The following PKP4 variants were observed in gnomAD, a reference collection of about 807,000 sequenced individuals.
The protein encoded by PKP4 is plakophilin 4.
A neutral mutation model predicts 145.1 loss-of-function variants in PKP4; 90 were observed. The observed-to-expected ratio is 0.62, with a 90% CI of 0.52 to 0.74. The LOEUF is 0.74. Among genes scored for constraint, PKP4 ranks in the 30% least tolerant of loss-of-function variants. The pLI, the probability that PKP4 is intolerant of heterozygous loss-of-function variation, is 0.00. For missense variants in PKP4, 1,340 were observed against 1,482.7 expected, an observed-to-expected ratio of 0.90 and a Z score of 1.58; for synonymous variants, 563 against 577.2, an observed-to-expected ratio of 0.98 and a Z score of 0.35.
At chr2:158,658,369 G>C in intron 12 of PKP4, 55 bp downstream of exon 12, 1 of 1,088,774 alleles carries the variant, frequency 9.2e-7, no homozygotes, top group Non-Finnish European at 1.3e-6. Flanking sequence ...ATGTGTCATA[G>C]GTAAATTGAT....
At chr2:158,600,082 T>C (rs2050099449) in intron 3 of PKP4, among the ~76,000 whole-genome samples, 1 of 152,230 alleles carries the variant, frequency 6.6e-6, no homozygotes, top group Admixed American at 6.5e-5. Flanking sequence ...TGAAGGCACA[T>C]TGTCTTCCTG....
Position 158,631,738 on chromosome 2 carries a change from T to C in PKP4, c.1154-15T>C. ...ATTGTCTCAGTTCTTAACGATGTAA[T>C]TTTTGTGCCTCTAGGCTTACGGAGT... On this transcript the variant is annotated splice_polypyrimidine_tract_variant and intron_variant, in intron 7 of 21. Coordinates refer to ENST00000389759, the MANE Select transcript of PKP4 (RefSeq NM_003628.6). 1 of 1,609,072 alleles carries C rather than the reference T, an allele frequency of 6.2e-7. No homozygotes were observed. The highest frequency in any genetic ancestry group is 8.5e-7 in the Non-Finnish European group (1 of 1,175,604).
chr2:158,541,668 C>T (rs1360736114), intron 2 of PKP4, among the ~76,000 whole-genome samples: 2 of 151,996 alleles, frequency 1.3e-5, no homozygotes, highest in African/African-American at 4.8e-5. Context: ...CTCTGTGGCT[C>T]TTGAAAGAAA....
chr2:158,577,558 C>T (rs1162546761), intron 3 of PKP4, among the ~76,000 whole-genome samples, 175 bp downstream of exon 3: 1 of 152,190 alleles, frequency 6.6e-6, no homozygotes, highest in Non-Finnish European at 1.5e-5. Context: ...ATCCCTCAGT[C>T]CTGTGCTTGA....
intron 2 of PKP4, among the ~76,000 whole-genome samples, chr2:158,571,911 A>G (rs1177424046): frequency 6.6e-6 from 1 of 152,154 alleles, no homozygotes; most frequent in Non-Finnish European, 1.5e-5. Flanking sequence ...AAAGCTACCT[A>G]GGGTTTCTGA....
intron 2 of PKP4, among the ~76,000 whole-genome samples, chr2:158,563,991 A>C (rs537207128): frequency 6.6e-6 from 1 of 152,228 alleles, no homozygotes; most frequent in Non-Finnish European, 1.5e-5. Flanking sequence ...GTCCTGGTAC[A>C]TGCAAATAAT....
intron 21 of PKP4, among the ~76,000 whole-genome samples, chr2:158,680,039 T>C (rs988693625): frequency 7.2e-5 from 11 of 152,198 alleles, no homozygotes; most frequent in African/African-American, 2.7e-4. Flanking sequence ...TGCTAATAAT[T>C]CCCCTGTGTC....
At chr2:158,507,190 T>C (rs2041065581) in intron 1 of PKP4, among the ~76,000 whole-genome samples, 1 of 152,186 alleles carries the variant, frequency 6.6e-6, no homozygotes, top group Admixed American at 6.5e-5. Context: ...TGCAGATATA[T>C]TGATCCATAA....
chr2:158,597,482 A>G (rs1358155941), intron 3 of PKP4, among the ~76,000 whole-genome samples: 2 of 152,214 alleles, frequency 1.3e-5, no homozygotes, highest in Non-Finnish European at 2.9e-5. Context: ...TATGGTTACA[A>G]TGTGAAAAGT....
chr2:158,628,066 C>T lies in PKP4; in HGVS notation c.1153+2639C>T, dbSNP rs189444137. ...CACGCTCTCGGCTCACTGCAACTTC[C>T]GCCTCCCGGGTTCAAGCGATTCTTC... On this transcript the variant is annotated intron_variant, in intron 7 of 21. Transcript: ENST00000389759. Among the ~76,000 whole-genome samples the T allele has an allele frequency of 6.7e-4, 102 of 151,986 alleles. 1 individual carries two copies. Among genetic ancestry groups the T allele is most frequent in the African/African-American group, 2.0e-3 (85 of 41,470 alleles).
chr2:158,675,430 C>T (rs531142671), intron 19 of PKP4, among the ~76,000 whole-genome samples: 17 of 151,984 alleles, frequency 1.1e-4, no homozygotes, highest in Non-Finnish European at 2.4e-4. Flanking sequence ...GATTGCACAC[C>T]CCTGGATCAT....
At chr2:158,648,746 C>A (rs1348245036) in intron 11 of PKP4, among the ~76,000 whole-genome samples, 1 of 152,214 alleles carries the variant, frequency 6.6e-6, no homozygotes, top group Non-Finnish European at 1.5e-5. Context: ...CACCTGTAAT[C>A]CCCACACTTT....
At chr2:158,613,642 A>G (rs745351832) in intron 4 of PKP4, among the ~76,000 whole-genome samples, 2 of 152,228 alleles carry the variant, frequency 1.3e-5, no homozygotes, top group Admixed American at 6.5e-5. Context: ...GCTGAGAACC[A>G]TCGCATTAGG....
intron 9 of PKP4, among the ~76,000 whole-genome samples, chr2:158,637,640 C>T (rs1470960841): frequency 2.0e-5 from 3 of 152,186 alleles, no homozygotes; most frequent in Admixed American, 6.5e-5. Context: ...ACATGGGACT[C>T]GTGGATGTTT....
chr2:158,640,588 A>G lies in PKP4; in HGVS notation c.1563-39A>G, dbSNP rs79575572. On this transcript the variant is annotated intron_variant, in intron 9 of 21. Coordinates refer to ENST00000389759, the MANE Select transcript of PKP4 (RefSeq NM_003628.6). ...GTTTTTTTCAGTGTATTTTTACAAC[A>G]TGGGCCTTCCTTTCTGAAGCCATGT... The G allele has an allele frequency of 0.018, 28,731 of 1,608,070 alleles. 1,048 individuals carry two copies. Among genetic ancestry groups the G allele is most frequent in the African/African-American group, 0.15 (11,372 of 74,618 alleles).
At position 158,662,901 on chromosome 2, in the gene PKP4, T is replaced by G; in HGVS notation, c.2216T>G (p.Val739Gly). ...VNTSDYDSKT[V>G]ENCVCTLRNL... ...ATACGCCATGCTGGGTTTCAGACGGTGGAGAACTGCGTGTGCACCCTGAGG... is the reference window on the plus strand; with the variant it reads ...ATACGCCATGCTGGGTTTCAGACGGGGGAGAACTGCGTGTGCACCCTGAGG... Residue 739 changes from valine (V) to glycine (G), a missense_variant, in exon 14 of 22, where the codon GTG becomes GGG. Coordinates refer to ENST00000389759, the MANE Select transcript of PKP4 (RefSeq NM_003628.6). 2 of 1,598,220 alleles carry G rather than the reference T, an allele frequency of 1.3e-6. No homozygotes were observed.
chr2:158,661,354 A>G lies in PKP4; in HGVS notation c.2115A>G (p.Glu705=). 1 of 1,613,568 alleles carries G rather than the reference A, an allele frequency of 6.2e-7. No homozygotes were observed. Among genetic ancestry groups the G allele is most frequent in the East Asian group, 2.2e-5 (1 of 44,850 alleles). Residue 705 remains glutamate, a synonymous_variant, in exon 13 of 22, where the codon GAA becomes GAG. Coordinates refer to ENST00000389759, the MANE Select transcript of PKP4 (RefSeq NM_003628.6). ...GCLRNLSSAG[E]EARKQMRSCE... is the part of the protein sequence containing the mutation. Reference sequence around the variant, plus strand: ...TTAGGAACCTCAGCTCCGCGGGGGAAGAAGCTCGGAAGCAAATGCGGTCCT... The same window carrying G: ...TTAGGAACCTCAGCTCCGCGGGGGAGGAAGCTCGGAAGCAAATGCGGTCCT...
At chr2:158,598,322 A>G (rs1392945073) in intron 3 of PKP4, among the ~76,000 whole-genome samples, 1 of 152,162 alleles carries the variant, frequency 6.6e-6, no homozygotes. Flanking sequence ...GGGAAATGGC[A>G]TGGCAGAATT....
intron 1 of PKP4, among the ~76,000 whole-genome samples, chr2:158,473,303 A>G (rs940250783): frequency 4.6e-5 from 7 of 152,174 alleles, no homozygotes; most frequent in African/African-American, 1.4e-4. Flanking sequence ...CAATCCCACT[A>G]CTGGGTATAT....
Sources: allele counts gnomAD v4.1 joint callset (sites outside exome capture counted in the v4.1 genomes callset), GRCh38; gene constraint gnomAD v4.1.1; transcripts MANE v1.5; gene names NCBI Gene and HGNC (gene_info 2026-07-23, HGNC 2026-07-21).